DNAH11: variants seen among roughly 807,000 people sequenced by gnomAD.
DNAH11 encodes dynein axonemal heavy chain 11.
A neutral mutation model predicts 526.0 loss-of-function variants in DNAH11; 442 were observed. The observed-to-expected ratio is 0.84, with a 90% CI of 0.78 to 0.91. The LOEUF (loss-of-function observed/expected upper bound fraction) is 0.91, where lower values mean the gene tolerates loss of function less well. DNAH11 is among the 40% of genes least tolerant of loss of function. The pLI is 0.00. For synonymous variants in DNAH11, 2,461 were observed against 1,935.9 expected (o/e 1.27, Z -7.12); for missense variants, 6,989 against 5,448.7 (o/e 1.28, Z -8.90).
intron 30 of DNAH11, among the ~76,000 whole-genome samples, chr7:21,674,245 G>A (rs1259215026): frequency 3.3e-5 from 5 of 151,758 alleles, no homozygotes; most frequent in South Asian, 4.2e-4. Flanking sequence ...TAGTACAGAC[G>A]AGGCTTCACC....
At position 21,608,897 on chromosome 7, in the gene DNAH11, C is replaced by G. The variant is rs531325933; in HGVS notation, c.3852+2164C>G. ...TGTAGTAGGGCTGGGTGAACTTTTT[C>G]TTGAAGTCATGTTCTTGGTGTGTTT... On this transcript the variant is annotated intron_variant, in intron 20 of 81. Coordinates refer to ENST00000409508, the MANE Select transcript of DNAH11 (RefSeq NM_001277115.2). Among the ~76,000 whole-genome samples the G allele has an allele frequency of 1.9e-3, 285 of 152,210 alleles. 1 individual carries two copies. The highest frequency in any genetic ancestry group is 6.5e-3 in the African/African-American group (272 of 41,546).
chr7:21,804,257 C>A (rs1423608589), intron 62 of DNAH11, among the ~76,000 whole-genome samples: 1 of 152,092 alleles, frequency 6.6e-6, no homozygotes, highest in South Asian at 2.1e-4. Context: ...TACAGGTGCC[C>A]GCCACCACAT....
At chr7:21,550,566 A>AGTTTTT (rs141437162) in intron 2 of DNAH11, among the ~76,000 whole-genome samples, 29,464 of 151,954 alleles carry the variant, frequency 0.19, 2,916 homozygotes, top group Middle Eastern at 0.26. Context: ...AAGGCATTTT[A>AGTTTTT]AAGATTAGTT....
chr7:21,837,736 T>C (rs1309681945), intron 65 of DNAH11, among the ~76,000 whole-genome samples: 1 of 152,192 alleles, frequency 6.6e-6, no homozygotes, highest in Non-Finnish European at 1.5e-5. Flanking sequence ...CAGTGGTTTT[T>C]AGTTAGGAGG....
intron 45 of DNAH11, among the ~76,000 whole-genome samples, chr7:21,727,150 A>G (rs376760229): frequency 1.4e-3 from 217 of 151,404 alleles, no homozygotes; most frequent in East Asian, 5.4e-3. Context: ...AGCCAGGATG[A>G]TCTCGATCTC....
intron 65 of DNAH11, among the ~76,000 whole-genome samples, chr7:21,825,891 G>A (rs1468396148): frequency 1.3e-5 from 2 of 151,764 alleles, no homozygotes; most frequent in African/African-American, 2.4e-5. Flanking sequence ...CCTGGGAGGT[G>A]GAGCTCGCAG....
Position 21,601,032 on chromosome 7 carries a change from A to G in DNAH11, c.3278A>G (p.Tyr1093Cys). 1 of 1,611,800 alleles carries G rather than the reference A, an allele frequency of 6.2e-7. No homozygotes were observed. The highest frequency in any genetic ancestry group is 8.5e-7 in the Non-Finnish European group (1 of 1,179,524). ...CAGATTGACATTTATGAAGCTTTGT[A>G]TGTTCAAATGAGCAAATTTGAGGAC... is the stretch of plus-strand genomic sequence containing the variant. Reference protein sequence around the residue: ...KEQIDIYEALYVQMSKFEDFR... With the variant: ...KEQIDIYEALCVQMSKFEDFR... The change falls in exon 17 of 82, where the codon TAT becomes TGT. Residue 1093 changes from tyrosine to cysteine, a missense_variant. By Grantham distance (194) the Tyr-to-Cys change is radical (BLOSUM62 -2). Coordinates refer to ENST00000409508, the MANE Select transcript of DNAH11 (RefSeq NM_001277115.2).
chr7:21,814,599 AGT>A, intron 63 of DNAH11, among the ~76,000 whole-genome samples: 1 of 144,336 alleles, frequency 6.9e-6, no homozygotes, highest in East Asian at 2.1e-4. Flanking sequence ...CCCACCTATG[AGT>A]GAGAATATGC....
intron 76 of DNAH11, among the ~76,000 whole-genome samples, chr7:21,887,006 CCTGTTTATG>C (rs1219108175): frequency 6.6e-5 from 10 of 152,166 alleles, no homozygotes; most frequent in Admixed American, 2.0e-4. Context: ...GCACGTTTCT[CCTGTTTATG>C]CTGTTTATAT....
In DNAH11 at chr7:21,655,977, G is replaced by C; in HGVS notation, c.5090G>C (p.Gly1697Ala). The C allele has an allele frequency of 6.3e-7, 1 of 1,591,584 alleles. No homozygotes were observed. Among genetic ancestry groups the C allele is most frequent in the South Asian group, 1.1e-5 (1 of 87,362 alleles). ...TTCCAAGCCGAGTGTGAATGTGTGG[G>C]CCATGTAAGATTTGATTATGAGGTT... ...VPFQAECECV[G>A]HVETWLLQLE... The change falls in exon 29 of 82, where the codon GGC (glycine) becomes GCC (alanine). Residue 1697 changes from glycine (G) to alanine (A), a missense_variant. Gly to Ala is a moderately conservative substitution (Grantham distance 60). Coordinates refer to ENST00000409508, the MANE Select transcript of DNAH11 (RefSeq NM_001277115.2).
intron 8 of DNAH11, among the ~76,000 whole-genome samples, chr7:21,581,394 G>T (rs1309784754): frequency 1.3e-5 from 2 of 152,156 alleles, no homozygotes; most frequent in Non-Finnish European, 2.9e-5. Context: ...TATCACTAAT[G>T]ATATTTTCTT....
At position 21,590,924 on chromosome 7, in the gene DNAH11, G is replaced by T. The variant is rs369533487; in HGVS notation, c.2176G>T (p.Ala726Ser). The T allele has an allele frequency of 2.7e-6, 4 of 1,456,152 alleles. No homozygotes were observed. Among genetic ancestry groups the T allele is most frequent in the Non-Finnish European group, 3.6e-6 (4 of 1,107,012 alleles). 90.2% of individuals were successfully genotyped at this position (1,456,152 alleles called of 1,614,324 possible). A position where few individuals can be genotyped will look rare whatever the true frequency, so the allele number is the denominator to read the frequency against. The change falls in exon 13 of 82, where the codon GCT becomes TCT. Residue 726 changes from alanine (A) to serine (S), a missense_variant. Ala to Ser is a moderately conservative substitution (Grantham distance 99). Transcript: ENST00000409508. The stretch of plus-strand genomic sequence containing the variant: ...AATAATTGTATTTTAATAGCTAGTG[G>T]CTGTATTGAGAGAAGTGAAATATCT... ...LCVNFDPKLV[A>S]VLREVKYLLM... is the part of the protein sequence containing the mutation.
At position 21,681,610 on chromosome 7, in the gene DNAH11, A is replaced by G. The variant is rs753545876; in HGVS notation, c.5393A>G (p.Lys1798Arg). The G allele has an allele frequency of 3.1e-6, 5 of 1,613,932 alleles. No homozygotes were observed. The highest frequency in any genetic ancestry group is 1.7e-5 in the Admixed American group (1 of 60,032). ...GAACTTCCACCTGGAGACAGACAGA[A>G]GATCATGACAATTTGTACCATAGAT... ...LGELPPGDRQ[K>R]IMTICTIDVH... is the part of the protein sequence containing the mutation. The change falls in exon 31 of 82, where the codon AAG (lysine) becomes AGG (arginine). Residue 1798 changes from lysine (K) to arginine (R), a missense_variant. Lys to Arg is a conservative substitution (Grantham distance 26, BLOSUM62 2). Transcript: ENST00000409508.
intron 14 of DNAH11, among the ~76,000 whole-genome samples, chr7:21,591,960 T>G (rs1398635076): frequency 6.6e-6 from 1 of 152,188 alleles, no homozygotes; most frequent in Non-Finnish European, 1.5e-5. Context: ...AACCATCTCC[T>G]AAGGGTGGCA....
At chr7:21,573,922 C>G (rs771247524) in intron 8 of DNAH11, among the ~76,000 whole-genome samples, 4 of 152,248 alleles carry the variant, frequency 2.6e-5, no homozygotes, top group Middle Eastern at 3.4e-3. Flanking sequence ...TTTTGAAATG[C>G]TGTTGTTTAT....
At chr7:21,638,910 A>G (rs768275521) in intron 27 of DNAH11, 29 bp from the exon 28 acceptor site, 3 of 1,590,898 alleles carry the variant, frequency 1.9e-6, no homozygotes, top group Non-Finnish European at 2.6e-6. Context: ...GGGACAAGAT[A>G]TGCTTAAAAA....
chr7:21,829,706 G>A (rs1790463436), intron 65 of DNAH11, among the ~76,000 whole-genome samples: 1 of 152,132 alleles, frequency 6.6e-6, no homozygotes, highest in South Asian at 2.1e-4. Flanking sequence ...TCTTGAGAAC[G>A]TTTCCAATAA....
intron 54 of DNAH11, among the ~76,000 whole-genome samples, chr7:21,757,199 A>G (rs1786675168): frequency 6.6e-6 from 1 of 152,172 alleles, no homozygotes; most frequent in African/African-American, 2.4e-5. Flanking sequence ...AATAATCACC[A>G]CTTTCCTACA....
intron 20 of DNAH11, among the ~76,000 whole-genome samples, chr7:21,607,936 C>CAAAAAAAAAAAA (rs34293535): frequency 1.5e-5 from 1 of 68,628 alleles, no homozygotes; most frequent in African/African-American, 5.8e-5. Flanking sequence ...GACTTCATCT[C>CAAAAAAAAAAAA]AAAAAAAAAA....
Sources: allele counts gnomAD v4.1 joint callset (sites outside exome capture counted in the v4.1 genomes callset), GRCh38; gene constraint gnomAD v4.1.1; transcripts MANE v1.5; gene names NCBI Gene and HGNC (gene_info 2026-07-23, HGNC 2026-07-21).